The following NUDT13 variants were observed in gnomAD, a reference collection of about 807,000 sequenced individuals.
NUDT13 encodes NAD(P)H pyrophosphatase NUDT13, mitochondrial.
A neutral mutation model predicts 41.7 loss-of-function variants in NUDT13; 40 were observed. That is an observed-to-expected ratio of 0.96 (90% CI 0.75 to 1.25). The LOEUF (loss-of-function observed/expected upper bound fraction) is 1.25. Among genes scored for constraint, NUDT13 ranks in the 50% most tolerant of loss-of-function variants. The pLI is 0.00. For synonymous variants in NUDT13, 145 were observed against 155.5 expected (o/e 0.93, Z 0.50); for missense variants, 390 against 416.1 (o/e 0.94, Z 0.55).
intron 1 of NUDT13, among the ~76,000 whole-genome samples, chr10:73,113,387 T>G (rs961104294): frequency 1.3e-5 from 2 of 152,220 alleles, no homozygotes; most frequent in African/African-American, 4.8e-5. Flanking sequence ...TTCTGAGTGG[T>G]GTATGAGCCA....
chr10:73,120,115 A>C lies in NUDT13; in HGVS notation c.181A>C (p.Thr61Pro), dbSNP rs772439643. 13 of 1,614,182 alleles carry C rather than the reference A, an allele frequency of 8.1e-6. No homozygotes were observed. Among genetic ancestry groups the C allele is most frequent in the Non-Finnish European group, 1.1e-5 (13 of 1,180,030 alleles). Residue 61 changes from threonine to proline, a missense_variant, in exon 3 of 9, where the codon ACT becomes CCT. Coordinates refer to ENST00000357321, the MANE Select transcript of NUDT13 (RefSeq NM_015901.6). ...TCATAGTCTGGCTCCTCTGCTTCAG[A>C]CTTCAGCACATCAATACCTGGCCCC... is the stretch of plus-strand genomic sequence containing the variant. ...LFHSLAPLLQTSAHQYLAPRH... is the reference protein window; with the variant it reads ...LFHSLAPLLQPSAHQYLAPRH...
intron 8 of NUDT13, among the ~76,000 whole-genome samples, chr10:73,127,185 C>A (rs1398290421): frequency 2.6e-5 from 4 of 152,150 alleles, no homozygotes; most frequent in African/African-American, 7.2e-5. Flanking sequence ...TCAAGACCAG[C>A]CTGGCCAAGA....
chr10:73,125,240 A>C lies in NUDT13; in HGVS notation c.588A>C (p.Pro196=), dbSNP rs757941235. ...VCPSNNIIYY[P]QMAPVAITLV... ...CTTCCAATAATATAATCTATTATCC[A>C]CAGGTAATTATTGCTGTAAGAGGAC... Residue 196 remains proline (P), a synonymous_variant, in exon 6 of 9, where the codon CCA becomes CCC. Transcript: ENST00000357321. 1 of 1,609,974 alleles carries C rather than the reference A, an allele frequency of 6.2e-7. No individual in the cohort carries two copies. Among genetic ancestry groups the C allele is most frequent in the Non-Finnish European group, 8.5e-7 (1 of 1,178,582 alleles).
chr10:73,118,660 T>G (rs1484757723), intron 2 of NUDT13, among the ~76,000 whole-genome samples: 2 of 152,180 alleles, frequency 1.3e-5, no homozygotes, highest in Non-Finnish European at 2.9e-5. Flanking sequence ...GTTCCCTTTT[T>G]CCACATTTTC....
Position 73,128,993 on chromosome 10 carries a change from A to G in NUDT13, c.859-1710A>G, listed in dbSNP as rs149295038. Among the ~76,000 whole-genome samples, 383 of 152,244 alleles carry G rather than the reference A, an allele frequency of 2.5e-3. 1 individual carries two copies. The highest frequency in any genetic ancestry group is 8.7e-3 in the African/African-American group (363 of 41,550). ...TTCCCAACACTGTTTATATAAGACA[A>G]TTTACCTTTTATTGTCAGGAGTTAA... On this transcript the variant is annotated intron_variant, in intron 8 of 8. Coordinates refer to ENST00000357321, the MANE Select transcript of NUDT13 (RefSeq NM_015901.6).
chr10:73,115,802 G>A (rs1842493388), intron 2 of NUDT13, among the ~76,000 whole-genome samples: 1 of 151,702 alleles, frequency 6.6e-6, no homozygotes, highest in Non-Finnish European at 1.5e-5. Flanking sequence ...CTTCCCCCAA[G>A]AACTAAACTT....
intron 3 of NUDT13, among the ~76,000 whole-genome samples, 182 bp from the exon 4 acceptor site, chr10:73,121,991 GAA>G (rs2133217159): frequency 6.6e-6 from 1 of 152,266 alleles, no homozygotes; most frequent in East Asian, 1.9e-4. Flanking sequence ...CTGCTAATGA[GAA>G]AACAGGCCTG....
At chr10:73,124,442 T>C in intron 5 of NUDT13, 122 bp downstream of exon 5, 1 of 662,242 alleles carries the variant, frequency 1.5e-6, no homozygotes, top group Non-Finnish European at 2.7e-6. Flanking sequence ...TAGTCCTTTC[T>C]ACAAACACTG....
chr10:73,130,444 C>G lies in NUDT13; in HGVS notation c.859-259C>G, dbSNP rs557826329. 301 of 154,004 alleles carry G rather than the reference C, an allele frequency of 2.0e-3. 3 individuals carry two copies. Among genetic ancestry groups the G allele is most frequent in the African/African-American group, 7.0e-3 (272 of 39,068 alleles). The allele number at this position is 154,004 out of a possible 1,614,324, so 9.5% of individuals were successfully genotyped here. A position where few individuals can be genotyped will look rare whatever the true frequency, so the allele number is the denominator to read the frequency against. ...CGCCACTGCACTCCAGCCTGGGCAA[C>G]AGAGAGAGACTCCGTCTAAAAAAAA... On this transcript the variant is annotated intron_variant, in intron 8 of 8. Transcript: ENST00000357321.
chr10:73,127,031 G>A (rs991385507), intron 8 of NUDT13, among the ~76,000 whole-genome samples: 1 of 151,952 alleles, frequency 6.6e-6, no homozygotes, highest in African/African-American at 2.4e-5. Context: ...ATCACTTGAG[G>A]TCAGGAGTTC....
At chr10:73,115,727 GA>G (rs899177242) in intron 2 of NUDT13, among the ~76,000 whole-genome samples, 1 of 151,984 alleles carries the variant, frequency 6.6e-6, no homozygotes, top group African/African-American at 2.4e-5. Context: ...CACTTCAGAT[GA>G]AAAAAACTGT....
chr10:73,112,071 C>T (rs1002713144), intron 1 of NUDT13, among the ~76,000 whole-genome samples: 1 of 152,080 alleles, frequency 6.6e-6, no homozygotes. Context: ...ATAAATAAGG[C>T]CGGGGGCAGT....
intron 2 of NUDT13, among the ~76,000 whole-genome samples, chr10:73,117,924 A>G (rs1842554828): frequency 6.6e-6 from 1 of 152,236 alleles, no homozygotes; most frequent in African/African-American, 2.4e-5. Flanking sequence ...GGGAAAATAC[A>G]TTTTTAAAAA....
Position 73,131,050 on chromosome 10 carries a change from TC to T in NUDT13, c.*148del. 2 of 597,488 alleles carry T rather than the reference TC, an allele frequency of 3.3e-6. No individual in the cohort carries two copies. Among genetic ancestry groups the T allele is most frequent in the Non-Finnish European group, 5.8e-6 (2 of 342,178 alleles). The allele number at this position is 597,488 out of a possible 1,614,324, so 37.0% of individuals were successfully genotyped here. On this transcript the variant is annotated 3_prime_UTR_variant, in exon 9 of 9. Coordinates refer to ENST00000357321, the MANE Select transcript of NUDT13 (RefSeq NM_015901.6). ...GTGAGCCTACAGTAAGACACTTCTATCAGCAGTGTTAATGGAAGAAATTCCT... is the reference window on the plus strand; with the variant it reads ...GTGAGCCTACAGTAAGACACTTCTATAGCAGTGTTAATGGAAGAAATTCCT...
At chr10:73,121,203 G>A (rs1052978319) in intron 3 of NUDT13, among the ~76,000 whole-genome samples, 8 of 152,198 alleles carry the variant, frequency 5.3e-5, no homozygotes, top group African/African-American at 1.9e-4. Context: ...GTGAGACCCC[G>A]TCTCTACCCA....
intron 1 of NUDT13, among the ~76,000 whole-genome samples, chr10:73,112,896 C>CTT (rs111862060): frequency 6.6e-6 from 1 of 150,652 alleles, no homozygotes; most frequent in Admixed American, 6.6e-5. Flanking sequence ...TGTTCTTTTT[C>CTT]TTTTTTTTAA....
intron 2 of NUDT13, among the ~76,000 whole-genome samples, chr10:73,116,195 G>T (rs1842502984): frequency 6.6e-6 from 1 of 151,692 alleles, no homozygotes; most frequent in Non-Finnish European, 1.5e-5. Flanking sequence ...TTGTTTGTAA[G>T]GTAGGGTCTT....
intron 2 of NUDT13, chr10:73,119,400 G>A (rs1842588353): frequency 1.7e-6 from 1 of 604,190 alleles, no homozygotes; most frequent in Non-Finnish European, 2.1e-6. Context: ...GGATCTAGAT[G>A]TCTGAAGTAA....
chr10:73,120,058 A>G lies in NUDT13; in HGVS notation c.124A>G (p.Lys42Glu). 1 of 1,614,190 alleles carries G rather than the reference A, an allele frequency of 6.2e-7. No individual in the cohort carries two copies. The highest frequency in any genetic ancestry group is 8.5e-7 in the Non-Finnish European group (1 of 1,180,020). ...ELKEDDDACK[K>E]AQQTGAFYLF... Reference sequence around the variant, plus strand: ...GAAGGAAGATGATGATGCATGTAAAAAAGCCCAGCAAACAGGAGCGTTTTA... The same window carrying G: ...GAAGGAAGATGATGATGCATGTAAAGAAGCCCAGCAAACAGGAGCGTTTTA... Residue 42 changes from lysine (K) to glutamate (E), a missense_variant, in exon 3 of 9, where the codon AAA (lysine) becomes GAA (glutamate). Coordinates refer to ENST00000357321, the MANE Select transcript of NUDT13 (RefSeq NM_015901.6).
Sources: gnomAD v4.1 joint callset for allele counts (sites outside exome capture counted in the v4.1 genomes callset) on GRCh38, gnomAD v4.1.1 for gene constraint, MANE v1.5 for transcripts, NCBI Gene and HGNC (gene_info 2026-07-23, HGNC 2026-07-21) for gene names.